FNIP2: variants seen among roughly 807,000 people sequenced by gnomAD.
The protein encoded by FNIP2 is folliculin-interacting protein 2.
FNIP2 carries 32 observed loss-of-function variants against 108.7 expected under a neutral mutation model. That is an observed-to-expected ratio of 0.29 (90% confidence interval 0.22 to 0.40). FNIP2 has a LOEUF of 0.40. FNIP2 is among the 10% of genes least tolerant of loss of function. FNIP2 has a pLI of 1.00. For synonymous variants in FNIP2, 480 were observed against 496.7 expected (o/e 0.97, Z 0.45); for missense variants, 1,202 against 1,381.6 (o/e 0.87, Z 2.06).
At position 158,891,488 on chromosome 4, in the gene FNIP2, A is replaced by T. The variant is rs1377486027; in HGVS notation, c.2992A>T (p.Ile998Phe). The change falls in exon 15 of 17, where the codon ATC becomes TTC. Residue 998 changes from isoleucine to phenylalanine, a missense_variant. By Grantham distance (21) the Ile-to-Phe change is conservative. Coordinates refer to ENST00000264433, the MANE Select transcript of FNIP2 (RefSeq NM_020840.3). ...DEPIAEAVCI[I>F]ADTDKWSVQV... ...GCCAATAGCTGAAGCTGTCTGTATTATCGCAGACACGGATAAATGGAGTGT... is the reference window on the plus strand; with the variant it reads ...GCCAATAGCTGAAGCTGTCTGTATTTTCGCAGACACGGATAAATGGAGTGT... 1.2e-6 allele frequency: 2 copies of T among 1,608,046 alleles called. No individual in the cohort carries two copies. The highest frequency in any genetic ancestry group is 1.7e-6 in the Non-Finnish European group (2 of 1,177,084).
intron 1 of FNIP2, among the ~76,000 whole-genome samples, chr4:158,775,078 G>A (rs1015968516): frequency 2.6e-5 from 4 of 152,154 alleles, no homozygotes; most frequent in South Asian, 2.1e-4. Context: ...CTACTTTGCC[G>A]TTGTGTTTCC....
At position 158,826,763 on chromosome 4, in the gene FNIP2, T is replaced by G. The variant is rs1415126093; in HGVS notation, c.234+721T>G. On this transcript the variant is annotated intron_variant, in intron 2 of 16. Transcript: ENST00000264433. The stretch of plus-strand genomic sequence containing the variant: ...AGTCTGATCCTTTCTGGGTCTTTTT[T>G]GGATATGATACCAGGGTACTTGTAA... Among the ~76,000 whole-genome samples the G allele has an allele frequency of 4.6e-5, 7 of 152,200 alleles. No individual in the cohort carries two copies. In the East Asian group the frequency reaches 1.3e-3, roughly 29 times the overall value.
At position 158,822,174 on chromosome 4, in the gene FNIP2, C is replaced by CTT. The variant is rs70962634; in HGVS notation, c.108-3722_108-3721dup. 4.8e-3 allele frequency among the ~76,000 whole-genome samples: 565 copies of CTT among 118,154 alleles called. 9 individuals are homozygous for CTT. The highest frequency in any genetic ancestry group is 7.0e-3 in the Non-Finnish European group (400 of 57,104). The allele number at this position is 118,154 out of a possible 152,430, so 77.5% of individuals were successfully genotyped here. ...TATGTAAGAAGAATAGAGTTTTCCT[C>CTT]TTTTTTTTTTTTTTTTTTTTTGAGA... On this transcript the variant is annotated intron_variant, in intron 1 of 16. Coordinates refer to ENST00000264433, the MANE Select transcript of FNIP2 (RefSeq NM_020840.3).
At position 158,868,235 on chromosome 4, in the gene FNIP2, C is replaced by T. The variant is rs747246855; in HGVS notation, c.1599C>T (p.Asn533=). Residue 533 remains asparagine, a synonymous_variant, in exon 13 of 17, where the codon AAC becomes AAT. Coordinates refer to ENST00000264433, the MANE Select transcript of FNIP2 (RefSeq NM_020840.3). This position sits in a 1 kb window ranked among gnomAD's most constrained non-coding sequence, Gnocchi z 4.6. ...TCCGTTGCTCTGAGCTACAAGAGAACCAGCTGACCTGGAGTGGCAATCATG... is the reference window on the plus strand; with the variant it reads ...TCCGTTGCTCTGAGCTACAAGAGAATCAGCTGACCTGGAGTGGCAATCATG... The part of the protein sequence containing the change: ...YFLRCSELQE[N]QLTWSGNHGE... 1.9e-5 allele frequency: 30 copies of T among 1,613,934 alleles called. No individual in the cohort carries two copies. In the Admixed American group the frequency reaches 5.0e-4, roughly 27 times the overall value.
intron 8 of FNIP2, among the ~76,000 whole-genome samples, chr4:158,856,370 A>T (rs534723439): frequency 1.1e-4 from 17 of 152,322 alleles, no homozygotes; most frequent in Non-Finnish European, 1.9e-4. Flanking sequence ...GATTATTGAG[A>T]TGTACTTAAA....
At chr4:158,855,016 A>G (rs1427174212) in intron 8 of FNIP2, among the ~76,000 whole-genome samples, 2 of 151,978 alleles carry the variant, frequency 1.3e-5, no homozygotes, top group African/African-American at 4.8e-5. Flanking sequence ...TTTTTGATTT[A>G]CCTTGGGGAA....
At chr4:158,901,457 TTA>T (rs1484477768) in intron 16 of FNIP2, among the ~76,000 whole-genome samples, 1 of 152,098 alleles carries the variant, frequency 6.6e-6, no homozygotes. Context: ...AATCTGACCA[TTA>T]TGTGTCTTGG....
chr4:158,888,383 C>G (rs1782126309), intron 14 of FNIP2, among the ~76,000 whole-genome samples: 1 of 152,188 alleles, frequency 6.6e-6, no homozygotes. Context: ...CTCATCGACT[C>G]TTGTCATTTG....
At chr4:158,835,559 A>G (rs1299861564) in intron 7 of FNIP2, 83 bp downstream of exon 7, 3 of 1,228,490 alleles carry the variant, frequency 2.4e-6, no homozygotes, top group Middle Eastern at 3.8e-4. Context: ...GAAGACAGGT[A>G]GATAACCCTC....
intron 1 of FNIP2, chr4:158,806,278 C>T: frequency 7.8e-7 from 1 of 1,289,360 alleles, no homozygotes; most frequent in Non-Finnish European, 1.0e-6. Context: ...CACCACAAAC[C>T]AGCCAGAGAG....
At chr4:158,826,968 C>G (rs1449245857) in intron 2 of FNIP2, among the ~76,000 whole-genome samples, 2 of 152,228 alleles carry the variant, frequency 1.3e-5, no homozygotes, top group African/African-American at 4.8e-5. Context: ...GTCTTTGTCT[C>G]ATCAGGGCCA....
chr4:158,896,256 C>T (rs1185153610), intron 16 of FNIP2, among the ~76,000 whole-genome samples: 1 of 149,840 alleles, frequency 6.7e-6, no homozygotes, highest in East Asian at 1.9e-4. Context: ...AGTAGGTTGG[C>T]ACATTCCACC....
At chr4:158,865,258 G>A (rs917762859) in intron 12 of FNIP2, among the ~76,000 whole-genome samples, 10 of 151,988 alleles carry the variant, frequency 6.6e-5, no homozygotes, top group Non-Finnish European at 1.3e-4. Flanking sequence ...TCACATTGTT[G>A]TGCAATTTCT....
intron 16 of FNIP2, among the ~76,000 whole-genome samples, chr4:158,900,721 G>T (rs1012257359): frequency 1.3e-5 from 2 of 152,108 alleles, no homozygotes; most frequent in Non-Finnish European, 2.9e-5. Context: ...TTGAGTCTGT[G>T]TATGTGTTTG....
chr4:158,820,385 C>T (rs1777816444), intron 1 of FNIP2, among the ~76,000 whole-genome samples: 1 of 152,188 alleles, frequency 6.6e-6, no homozygotes, highest in South Asian at 2.1e-4. Flanking sequence ...TATAGCAAAT[C>T]ACCCTGCAAC....
At chr4:158,861,938 C>T (rs1388221539) in intron 12 of FNIP2, among the ~76,000 whole-genome samples, 162 bp downstream of exon 12, 5 of 152,204 alleles carry the variant, frequency 3.3e-5, no homozygotes, top group Admixed American at 6.5e-5. Context: ...TGTAGACCCA[C>T]GACCTTCCTC....
chr4:158,904,382 A>ATACT, intron 16 of FNIP2, 84 bp from the exon 17 acceptor site: 1 of 1,249,082 alleles, frequency 8.0e-7, no homozygotes, highest in East Asian at 2.3e-5. Context: ...CCTAGAAATA[A>ATACT]TACTTTCTCA....
intron 1 of FNIP2, among the ~76,000 whole-genome samples, chr4:158,789,695 T>C (rs578163380): frequency 2.0e-5 from 3 of 152,352 alleles, no homozygotes; most frequent in African/African-American, 7.2e-5. Flanking sequence ...TCTTCTGTTA[T>C]AACGTGCAAC....
intron 6 of FNIP2, chr4:158,835,114 G>A (rs771123882): frequency 2.8e-5 from 5 of 179,690 alleles, no homozygotes; most frequent in Non-Finnish European, 5.9e-5. Context: ...TCAACTGCAC[G>A]AATCATTTAT....
Sources: gnomAD v4.1 joint callset for allele counts (sites outside exome capture counted in the v4.1 genomes callset) on GRCh38, gnomAD v4.1.1 for gene constraint, Gnocchi (gnomAD v3.1) non-coding constraint, MANE v1.5 for transcripts, NCBI Gene and HGNC (gene_info 2026-07-23, HGNC 2026-07-21) for gene names.